Variants in MPP1 observed in about 807,000 individuals in gnomAD.
The protein encoded by MPP1 is MAGUK p55 scaffold protein 1, also known as 55 kDa erythrocyte membrane protein.
A neutral mutation model predicts 38.2 loss-of-function variants in MPP1; 6 were observed. The observed-to-expected ratio is 0.16, with a 90% CI of 0.09 to 0.31. The LOEUF is 0.31. Among genes scored for constraint, MPP1 ranks in the 10% least tolerant of loss-of-function variants. The probability of loss-of-function intolerance (pLI) is 1.00; values close to 1 mark genes in which losing one functional copy is unlikely to be tolerated. For missense variants in MPP1, 293 were observed against 368.9 expected, an observed-to-expected ratio of 0.79 and a Z score of 1.69; for synonymous variants, 153 against 146.3, an observed-to-expected ratio of 1.05 and a Z score of -0.33.
At chrX:154,781,044 C>T (rs1471655241) in intron 11 of MPP1, among the ~76,000 whole-genome samples, 195 bp downstream of exon 11, 2 of 111,729 alleles carry the variant, frequency 1.8e-5, no homozygotes, top group Non-Finnish European at 1.9e-5. Context: ...TGTTAGGTAG[C>T]ATGGGCACTG....
intron 1 of MPP1, among the ~76,000 whole-genome samples, chrX:154,803,140 G>A (rs1160703014): frequency 8.9e-6 from 1 of 112,101 alleles, no homozygotes; most frequent in Non-Finnish European, 1.9e-5. Context: ...TCAGCAGCTT[G>A]CCCAAAACCA....
rs782066781 is a variant in MPP1, at chrX:154,781,729, C to T, written c.1020G>A (p.Thr340=). The T allele has an allele frequency of 1.2e-5, 15 of 1,209,864 alleles. No individual in the cohort carries two copies. In the Middle Eastern group the frequency reaches 9.2e-4, roughly 75 times the overall value. Residue 340 remains threonine (T), a synonymous_variant, in exon 10 of 12, where the codon ACG becomes ACA. Coordinates refer to ENST00000369534, the MANE Select transcript of MPP1 (RefSeq NM_002436.4). Reference sequence around the variant, plus strand: ...AGAACTCATTGGCAGAGATGTTCCTCGTCATCTCCTCCGTTGAGATAAAGT... The same window carrying T: ...AGAACTCATTGGCAGAGATGTTCCTTGTCATCTCCTCCGTTGAGATAAAGT... The part of the protein sequence containing the change: ...EYHFISTEEM[T]RNISANEFLE...
chrX:154,789,404 G>T, intron 5 of MPP1, among the ~76,000 whole-genome samples: 1 of 111,829 alleles, frequency 8.9e-6, no homozygotes, highest in Admixed American at 9.5e-5. Context: ...GTGCTCAACA[G>T]ATTCTATCTA....
rs368434744 is a variant in MPP1, at chrX:154,780,643, T to A, written c.1224+596A>T. On this transcript the variant is annotated intron_variant, in intron 11 of 11. Coordinates refer to ENST00000369534, the MANE Select transcript of MPP1 (RefSeq NM_002436.4). ...CTACTTGGAGTTTTTCCTACAGATATATTTGCACACATGTGCTATATGCAC... is the reference window on the plus strand; with the variant it reads ...CTACTTGGAGTTTTTCCTACAGATAAATTTGCACACATGTGCTATATGCAC... Among the ~76,000 whole-genome samples, 4 of 112,336 alleles carry A rather than the reference T, an allele frequency of 3.6e-5. No homozygotes were observed. The East Asian group carries it at 1.1e-3, about 31-fold the overall frequency.
At chrX:154,805,098 G>C (rs2072305845) in intron 1 of MPP1, among the ~76,000 whole-genome samples, 174 bp downstream of exon 1, 1 of 113,035 alleles carries the variant, frequency 8.8e-6, no homozygotes, top group Non-Finnish European at 1.9e-5. Flanking sequence ...AGCCCGGTAC[G>C]AACCCGGCCG....
intron 10 of MPP1, 23 bp from the exon 11 acceptor site, chrX:154,781,336 G>A (rs369721396): frequency 4.4e-5 from 46 of 1,041,206 alleles, no homozygotes; most frequent in Non-Finnish European, 5.7e-5. Context: ...AAGAAGGGCG[G>A]CGGGGAGGGG....
chrX:154,783,675 G>A lies in MPP1; in HGVS notation c.866-168C>T, dbSNP rs782723339. The A allele has an allele frequency of 6.7e-6, 3 of 450,767 alleles. No homozygotes were observed. In the South Asian group the frequency reaches 1.0e-4, roughly 15 times the overall value. 37.1% of individuals were successfully genotyped at this position (450,767 alleles called of 1,213,427 possible). A position where few individuals can be genotyped will look rare whatever the true frequency, so the allele number is the denominator to read the frequency against. On this transcript the variant is annotated intron_variant, in intron 8 of 11. Coordinates refer to ENST00000369534, the MANE Select transcript of MPP1 (RefSeq NM_002436.4). ...CAGGAAGGTGAGCAGTCCGCCAGAGGCAAAGCCTACATACCTGGGTTTGAA... is the reference window on the plus strand; with the variant it reads ...CAGGAAGGTGAGCAGTCCGCCAGAGACAAAGCCTACATACCTGGGTTTGAA...
At chrX:154,804,629 A>C in intron 1 of MPP1, 1 of 322,261 alleles carries the variant, frequency 3.1e-6, no homozygotes, top group South Asian at 2.9e-5. Flanking sequence ...GAGAGACAAG[A>C]AAATGCTCAG....
At chrX:154,781,170 T>C in intron 11 of MPP1, 69 bp downstream of exon 11, 1 of 972,252 alleles carries the variant, frequency 1.0e-6, no homozygotes, top group Non-Finnish European at 1.4e-6. Context: ...GCCAATGACC[T>C]GGACTGAGGT....
At chrX:154,799,350 C>T (rs922007708) in intron 1 of MPP1, among the ~76,000 whole-genome samples, 2 of 111,809 alleles carry the variant, frequency 1.8e-5, no homozygotes, top group African/African-American at 6.5e-5. Flanking sequence ...TTTTCTCCAC[C>T]GTGAACTTGT....
intron 10 of MPP1, 43 bp from the exon 11 acceptor site, chrX:154,781,356 AGAAAAG>A (rs2071995588): frequency 1.0e-5 from 10 of 983,948 alleles, no homozygotes; most frequent in Non-Finnish European, 1.4e-5. Flanking sequence ...GGGGGAAGGA[AGAAAAG>A]GAAAGTGAAA....
At chrX:154,795,542 A>G (rs782601293) in intron 1 of MPP1, among the ~76,000 whole-genome samples, 1 of 111,689 alleles carries the variant, frequency 9.0e-6, no homozygotes, top group African/African-American at 3.3e-5. Context: ...AGGTGGGAGG[A>G]TCACCTGAGG....
At chrX:154,787,139 CACACACA>C (rs1569558867) in intron 5 of MPP1, among the ~76,000 whole-genome samples, 2,612 of 99,260 alleles carry the variant, frequency 0.026, 88 homozygotes, top group African/African-American at 0.086. Flanking sequence ...CACACACACA[CACACACA>C]CCTACCTCAT....
chrX:154,801,776 A>AAAAAC (rs2072266630), intron 1 of MPP1, among the ~76,000 whole-genome samples: 1 of 87,662 alleles, frequency 1.1e-5, no homozygotes, highest in Non-Finnish European at 2.2e-5. Flanking sequence ...AAAAAAAAAA[A>AAAAAC]AAAAAAAAAA....
Position 154,792,189 on chromosome X carries a change from G to C in MPP1, c.199C>G (p.Arg67Gly). ...SPAQVKGQEV[R>G]KVRLIQFEKV... ...TCAAACTGTATGAGTCGCACTTTCC[G>C]CACCTCCTGTCCCTTGACCTGGGCA... Residue 67 changes from arginine to glycine, a missense_variant, in exon 2 of 12, where the codon CGG (arginine) becomes GGG (glycine). Transcript: ENST00000369534. The C allele has an allele frequency of 8.3e-7, 1 of 1,211,696 alleles. No homozygotes were observed. The highest frequency in any genetic ancestry group is 1.1e-6 in the Non-Finnish European group (1 of 895,471).
intron 6 of MPP1, 57 bp from the exon 7 acceptor site, chrX:154,785,214 C>CG (rs782334725): frequency 6.6e-6 from 6 of 905,411 alleles, no homozygotes; most frequent in Middle Eastern, 7.5e-4. Context: ...TCATACCCCC[C>CG]CCAGCCACTC....
At position 154,778,928 on chromosome X, in the gene MPP1, G is replaced by A. The variant is rs1255038846; in HGVS notation, c.*249C>T. The A allele has an allele frequency of 1.4e-5, 5 of 359,136 alleles. No homozygotes were observed. The highest frequency in any genetic ancestry group is 5.2e-5 in the Admixed American group (1 of 19,280). The allele number at this position is 359,136 out of a possible 1,213,427, so 29.6% of individuals were successfully genotyped here. A position where few individuals can be genotyped will look rare whatever the true frequency, so the allele number is the denominator to read the frequency against. On this transcript the variant is annotated 3_prime_UTR_variant, in exon 12 of 12. Coordinates refer to ENST00000369534, the MANE Select transcript of MPP1 (RefSeq NM_002436.4). ...CTTGATTAGCAGTTACATTTTGGTA[G>A]TACTTCTTACCCCCAATTTCTAGAA...
chrX:154,785,215 C>G, intron 6 of MPP1, 58 bp from the exon 7 acceptor site: 1 of 911,634 alleles, frequency 1.1e-6, no homozygotes, highest in Non-Finnish European at 1.5e-6. Context: ...CATACCCCCC[C>G]CAGCCACTCA....
intron 5 of MPP1, among the ~76,000 whole-genome samples, chrX:154,789,103 C>T (rs1364742828): frequency 2.7e-5 from 3 of 111,979 alleles, no homozygotes; most frequent in African/African-American, 9.7e-5. Context: ...CAGTTTTATA[C>T]TTGTGATTTG....
Sources: allele counts gnomAD v4.1 joint callset (sites outside exome capture counted in the v4.1 genomes callset), GRCh38; gene constraint gnomAD v4.1.1; transcripts MANE v1.5; gene names NCBI Gene and HGNC (gene_info 2026-07-23, HGNC 2026-07-21).